Variants in CA5B observed in about 807,000 individuals in gnomAD.
The protein encoded by CA5B is carbonic anhydrase 5B.
Under a neutral mutation model 23.1 loss-of-function variants are expected in CA5B, and 15 were observed. The ratio of observed to expected loss-of-function variants is 0.65; its 90% CI spans 0.43 to 1.00. CA5B has a LOEUF of 1.00. Among genes scored for constraint, CA5B ranks in the 50% least tolerant of loss-of-function variants. The probability of loss-of-function intolerance (pLI) is 0.00; values close to 1 mark genes in which losing one functional copy is unlikely to be tolerated. For synonymous variants in CA5B, 84 were observed against 98.5 expected (o/e 0.85, Z 0.87); for missense variants, 236 against 252.2 (o/e 0.94, Z 0.43).
At position 15,785,796 on chromosome X, in the gene CA5B, A is replaced by C. The variant is rs1195120064; in HGVS notation, c.*3132A>C. ...TGTTTCAAAGTATAGTTACCTTTAA[A>C]AGGGTAAACACACAAGATATGCATT... On this transcript the variant is annotated 3_prime_UTR_variant, in exon 8 of 8. Coordinates refer to ENST00000318636, the MANE Select transcript of CA5B (RefSeq NM_007220.4). 1 of 112,548 alleles carries C rather than the reference A, an allele frequency of 8.9e-6. No homozygotes were observed. Among genetic ancestry groups the C allele is most frequent in the Non-Finnish European group, 1.9e-5 (1 of 53,308 alleles). The allele number at this position is 112,548 out of a possible 1,213,427, so 9.3% of individuals were successfully genotyped here.
At position 15,783,005 on chromosome X, in the gene CA5B, A is replaced by C. The variant is rs1186382682; in HGVS notation, c.*341A>C. On this transcript the variant is annotated 3_prime_UTR_variant, in exon 8 of 8. Coordinates refer to ENST00000318636, the MANE Select transcript of CA5B (RefSeq NM_007220.4). Reference sequence around the variant, plus strand: ...GCAGTCCTCCTGCCTTAGCCTCTAGAGTAGCTGGGGCTACAGGTGCTGGCC... The same window carrying C: ...GCAGTCCTCCTGCCTTAGCCTCTAGCGTAGCTGGGGCTACAGGTGCTGGCC... The C allele has an allele frequency of 1.1e-5, 2 of 187,688 alleles. No homozygotes were observed. The highest frequency in any genetic ancestry group is 2.0e-5 in the Non-Finnish European group (2 of 101,954). 15.5% of individuals were successfully genotyped at this position (187,688 alleles called of 1,213,427 possible).
At chrX:15,780,422 G>A (rs1468975274) in intron 7 of CA5B, among the ~76,000 whole-genome samples, 1 of 109,887 alleles carries the variant, frequency 9.1e-6, no homozygotes, top group Non-Finnish European at 1.9e-5. Flanking sequence ...ACAGGCGCCC[G>A]CCACCACGCC....
At position 15,784,086 on chromosome X, in the gene CA5B, C is replaced by G. The variant is rs1297922640; in HGVS notation, c.*1422C>G. The G allele has an allele frequency of 9.1e-6, 1 of 110,276 alleles. No individual in the cohort carries two copies. The highest frequency in any genetic ancestry group is 1.9e-5 in the Non-Finnish European group (1 of 52,736). 9.1% of individuals were successfully genotyped at this position (110,276 alleles called of 1,213,427 possible). On this transcript the variant is annotated 3_prime_UTR_variant, in exon 8 of 8. Coordinates refer to ENST00000318636, the MANE Select transcript of CA5B (RefSeq NM_007220.4). ...TATTTTTAGTAGAGATGGGGTTTCA[C>G]TATGTTGGCCAGGCTGGTCTTGAAC... is the stretch of plus-strand genomic sequence containing the variant.
intron 7 of CA5B, among the ~76,000 whole-genome samples, chrX:15,782,273 C>G (rs1373395662): frequency 8.9e-6 from 1 of 112,402 alleles, no homozygotes; most frequent in Non-Finnish European, 1.9e-5. Context: ...TCTTGCTGCT[C>G]TCCTCCCCAC....
chrX:15,753,834 A>G (rs1931433853), intron 2 of CA5B, among the ~76,000 whole-genome samples: 1 of 112,496 alleles, frequency 8.9e-6, no homozygotes, highest in South Asian at 3.7e-4. Context: ...ACTTGAACCC[A>G]GGAGGCAGAG....
rs1250374495 is a variant in CA5B, at chrX:15,784,261, C to T, written c.*1597C>T. 2.7e-5 allele frequency: 3 copies of T among 112,270 alleles called. No individual in the cohort carries two copies. Among genetic ancestry groups the T allele is most frequent in the Non-Finnish European group, 3.8e-5 (2 of 53,262 alleles). The allele number at this position is 112,270 out of a possible 1,213,427, so 9.3% of individuals were successfully genotyped here. On this transcript the variant is annotated 3_prime_UTR_variant, in exon 8 of 8. Coordinates refer to ENST00000318636, the MANE Select transcript of CA5B (RefSeq NM_007220.4). ...ATATTATTATTTTGTATTATTTGCA[C>T]GCTGTTACATAGTATATAATGATAA...
intron 7 of CA5B, among the ~76,000 whole-genome samples, chrX:15,782,132 G>C (rs1271866607): frequency 9.0e-6 from 1 of 111,664 alleles, no homozygotes; most frequent in Non-Finnish European, 1.9e-5. Context: ...TGGCTGTTTT[G>C]CTCATTTAAA....
chrX:15,772,503 G>GGGA lies in CA5B; in HGVS notation c.352_354dup (p.Gly118dup). 8.4e-7 allele frequency: 1 copy of GGGA among 1,192,520 alleles called. No homozygotes were observed. The highest frequency in any genetic ancestry group is 2.3e-4 in the Middle Eastern group (1 of 4,291). On this transcript the variant is annotated inframe_insertion, in exon 4 of 8. Coordinates refer to ENST00000318636, the MANE Select transcript of CA5B (RefSeq NM_007220.4). ...TTGGATGTGCCATTTTAGTGATCAAGGGAGGACCCCTGGAACACAACTACC... is the reference window on the plus strand; with the variant it reads ...TTGGATGTGCCATTTTAGTGATCAAGGGAGGAGGACCCCTGGAACACAACTACC...
intron 7 of CA5B, among the ~76,000 whole-genome samples, chrX:15,781,223 C>T (rs1033385958): frequency 3.6e-5 from 4 of 110,665 alleles, no homozygotes; most frequent in African/African-American, 9.9e-5. Context: ...GTGAGCCACC[C>T]GCCTCGGCCT....
intron 1 of CA5B, among the ~76,000 whole-genome samples, chrX:15,739,696 G>A (rs1931079558): frequency 9.0e-6 from 1 of 111,495 alleles, no homozygotes. Flanking sequence ...GGTGGCACTG[G>A]GCAATTAATT....
At chrX:15,770,836 T>C (rs1275952871) in intron 3 of CA5B, among the ~76,000 whole-genome samples, 2 of 109,308 alleles carry the variant, frequency 1.8e-5, no homozygotes, top group African/African-American at 3.3e-5. Context: ...GGCGTGATCT[T>C]GGCTCACTGC....
At chrX:15,752,046 G>T (rs1214568152) in intron 2 of CA5B, among the ~76,000 whole-genome samples, 1 of 111,746 alleles carries the variant, frequency 8.9e-6, no homozygotes, top group Non-Finnish European at 1.9e-5. Flanking sequence ...AGTGACTGTG[G>T]CCCATGATAC....
intron 2 of CA5B, among the ~76,000 whole-genome samples, chrX:15,754,314 T>C (rs1241171123): frequency 5.3e-5 from 6 of 112,799 alleles, no homozygotes; most frequent in Non-Finnish European, 1.1e-4. Context: ...AGTACTACAG[T>C]TGTTATCATC....
chrX:15,768,268 A>T (rs761859353), intron 3 of CA5B, among the ~76,000 whole-genome samples: 153 of 111,215 alleles, frequency 1.4e-3, no homozygotes, highest in African/African-American at 4.6e-3. Context: ...TCGGCCTCCC[A>T]AAGTGCTTGG....
chrX:15,775,341 T>C (rs1236230147), intron 6 of CA5B, 33 bp downstream of exon 6: 3 of 1,172,153 alleles, frequency 2.6e-6, no homozygotes, highest in African/African-American at 1.8e-5. Flanking sequence ...ACTTGAAATA[T>C]ACTTTTATGT....
intron 3 of CA5B, chrX:15,769,511 G>C: frequency 1.3e-6 from 1 of 751,528 alleles, no homozygotes. Flanking sequence ...GAGATGGAGA[G>C]GTGAGTGCCT....
At chrX:15,779,552 TCTCAA>T (rs1481869213) in intron 7 of CA5B, among the ~76,000 whole-genome samples, 2 of 111,990 alleles carry the variant, frequency 1.8e-5, no homozygotes, top group Non-Finnish European at 1.9e-5. Flanking sequence ...AAATATAGCA[TCTCAA>T]CTCAGTAGGC....
At chrX:15,743,920 C>A (rs1220184122) in intron 1 of CA5B, among the ~76,000 whole-genome samples, 1 of 111,673 alleles carries the variant, frequency 9.0e-6, no homozygotes, top group Non-Finnish European at 1.9e-5. Flanking sequence ...AAAAGAAAAT[C>A]TTCAGAGTCA....
intron 6 of CA5B, chrX:15,775,700 A>T (rs965424798): frequency 4.0e-5 from 30 of 757,122 alleles, no homozygotes; most frequent in Non-Finnish European, 4.4e-5. Context: ...ACAGTAATCC[A>T]CATCCTTCAG....
Sources: gnomAD v4.1 joint callset for allele counts (sites outside exome capture counted in the v4.1 genomes callset) on GRCh38, gnomAD v4.1.1 for gene constraint, MANE v1.5 for transcripts, NCBI Gene and HGNC (gene_info 2026-07-23, HGNC 2026-07-21) for gene names.